Variants in IL1RAPL1 observed in about 807,000 individuals in gnomAD.
The protein encoded by IL1RAPL1 is interleukin-1 receptor accessory protein-like 1.
In IL1RAPL1, 3 loss-of-function variants were observed where a neutral mutation model predicts 48.4. That is an observed-to-expected ratio of 0.06 (90% CI 0.03 to 0.16). The LOEUF is 0.16. IL1RAPL1 is among the 10% of genes least tolerant of loss of function. The pLI, the probability that IL1RAPL1 is intolerant of heterozygous loss-of-function variation, is 1.00. For missense variants in IL1RAPL1, 349 were observed against 530.6 expected (o/e 0.66, Z 3.36); for synonymous variants, 185 against 187.7 (o/e 0.99, Z 0.12).
intron 2 of IL1RAPL1, among the ~76,000 whole-genome samples, chrX:28,884,386 T>C (rs946791964): frequency 2.7e-5 from 3 of 111,364 alleles, no homozygotes; most frequent in African/African-American, 9.8e-5. Flanking sequence ...GTATAGAACT[T>C]TGGAAACTTT....
chrX:29,682,191 A>G (rs1319801343), intron 6 of IL1RAPL1, among the ~76,000 whole-genome samples: 3 of 111,732 alleles, frequency 2.7e-5, no homozygotes, highest in East Asian at 2.8e-4. Context: ...TGAGTAAACT[A>G]TATCGTGTTC....
rs1414219384 is a variant in IL1RAPL1, at chrX:29,695,108, TCTAA to T, written c.778+26608_778+26611del. Among the ~76,000 whole-genome samples, 5 of 112,029 alleles carry T rather than the reference TCTAA, an allele frequency of 4.5e-5. No homozygotes were observed. In the Admixed American group the frequency reaches 4.7e-4, roughly 11 times the overall value. ...GAATTAATGAAATTTCACCTTTAGG[TCTAA>T]CTATGACAGTATCTAACATTTACTG... On this transcript the variant is annotated intron_variant, in intron 6 of 10. Transcript: ENST00000378993.
chrX:29,473,106 G>A (rs1488545988), intron 5 of IL1RAPL1, among the ~76,000 whole-genome samples: 1 of 111,375 alleles, frequency 9.0e-6, no homozygotes, highest in African/African-American at 3.3e-5. Flanking sequence ...CTTTTTGAGG[G>A]CCATGAGGGA....
At chrX:29,539,319 A>G (rs1921353940) in intron 5 of IL1RAPL1, among the ~76,000 whole-genome samples, 1 of 112,026 alleles carries the variant, frequency 8.9e-6, no homozygotes, top group Non-Finnish European at 1.9e-5. Context: ...CCATGTGATC[A>G]TCTCAATAGA....
chrX:29,146,282 T>C (rs1343676094), intron 2 of IL1RAPL1, among the ~76,000 whole-genome samples: 1 of 111,430 alleles, frequency 9.0e-6, no homozygotes, highest in Non-Finnish European at 1.9e-5. Context: ...TTCCTCTAGC[T>C]GAACTGCTCT....
rs187437907 is a variant in IL1RAPL1 at position 29,802,809 on chromosome X, A to G, written c.779-114655A>G. ...TGTGTGTGTATATATATATATATAT[A>G]TGTGTGTATATATATGTATACATAT... On this transcript the variant is annotated intron_variant, in intron 6 of 10. Coordinates refer to ENST00000378993, the MANE Select transcript of IL1RAPL1 (RefSeq NM_014271.4). Among the ~76,000 whole-genome samples the G allele has an allele frequency of 6.6e-3, 309 of 46,755 alleles. 4 individuals are homozygous for G. Among genetic ancestry groups the G allele is most frequent in the African/African-American group, 0.03 (241 of 8,025 alleles). The allele number at this position is 46,755 out of a possible 115,157, so 40.6% of individuals were successfully genotyped here. A position where few individuals can be genotyped will look rare whatever the true frequency, so the allele number is the denominator to read the frequency against.
chrX:29,081,017 TCTC>T (rs757990166), intron 2 of IL1RAPL1, among the ~76,000 whole-genome samples: 26 of 66,931 alleles, frequency 3.9e-4, no homozygotes, highest in East Asian at 1.0e-3. Flanking sequence ...TCTCTCTCTC[TCTC>T]TTTCTTTTCT....
chrX:29,912,203 G>A (rs747718605), intron 6 of IL1RAPL1, among the ~76,000 whole-genome samples: 55 of 111,917 alleles, frequency 4.9e-4, no homozygotes, highest in African/African-American at 1.7e-3. Context: ...ATACCTGAAT[G>A]AGGAGGCTCT....
chrX:29,076,802 G>GTCTGTCTGTCTGTCTATCTA (rs568595100), intron 2 of IL1RAPL1, among the ~76,000 whole-genome samples: 68 of 97,269 alleles, frequency 7.0e-4, no homozygotes, highest in African/African-American at 2.4e-3. Context: ...CTGTCTGTCT[G>GTCTGTCTGTCTGTCTATCTA]TCTATCTATC....
At chrX:28,876,547 G>C (rs780206184) in intron 2 of IL1RAPL1, among the ~76,000 whole-genome samples, 2 of 111,449 alleles carry the variant, frequency 1.8e-5, no homozygotes, top group African/African-American at 3.3e-5. Context: ...TAACCCTAGA[G>C]CTGCTGATTC....
At chrX:29,122,296 T>G (rs1486903023) in intron 2 of IL1RAPL1, among the ~76,000 whole-genome samples, 10 of 110,773 alleles carry the variant, frequency 9.0e-5, no homozygotes, top group African/African-American at 3.3e-4. Context: ...ATAGATTAGA[T>G]GAAATATTAT....
chrX:29,691,843 A>G (rs767079947), intron 6 of IL1RAPL1, among the ~76,000 whole-genome samples: 1 of 110,525 alleles, frequency 9.0e-6, no homozygotes, highest in Non-Finnish European at 1.9e-5. Flanking sequence ...ATGATTGTTA[A>G]TGATCGTGTC....
chrX:29,444,340 T>TA lies in IL1RAPL1; in HGVS notation c.703+45049dup, dbSNP rs1285478144. 4.8e-3 allele frequency among the ~76,000 whole-genome samples: 322 copies of TA among 67,163 alleles called. 1 individual carries two copies. The highest frequency in any genetic ancestry group is 6.0e-3 in the Non-Finnish European group (209 of 34,666). The allele number at this position is 67,163 out of a possible 115,157, so 58.3% of individuals were successfully genotyped here. On this transcript the variant is annotated intron_variant, in intron 5 of 10. Coordinates refer to ENST00000378993, the MANE Select transcript of IL1RAPL1 (RefSeq NM_014271.4). ...CTGGGCGACAGAGTAAGACTCTGTC[T>TA]AAAAAAAAAAAAAAAAAGAAAAGAA...
intron 6 of IL1RAPL1, among the ~76,000 whole-genome samples, chrX:29,900,419 T>G (rs1932473457): frequency 8.9e-6 from 1 of 112,372 alleles, no homozygotes; most frequent in Admixed American, 9.5e-5. Flanking sequence ...GATAACTCAT[T>G]AAAGTGTACA....
chrX:29,754,291 A>G (rs1265735498), intron 6 of IL1RAPL1, among the ~76,000 whole-genome samples: 1 of 111,735 alleles, frequency 8.9e-6, no homozygotes, highest in African/African-American at 3.3e-5. Flanking sequence ...TTCATAATAT[A>G]TGGCTCCAAA....
chrX:29,062,880 G>A (rs1256045598), intron 2 of IL1RAPL1, among the ~76,000 whole-genome samples: 1 of 111,216 alleles, frequency 9.0e-6, no homozygotes, highest in Non-Finnish European at 1.9e-5. Context: ...GGTTTTCATG[G>A]AAAAAATTGC....
In IL1RAPL1 at chrX:29,256,870, C is replaced by T. The variant is rs191066214; in HGVS notation, c.83-26068C>T. Among the ~76,000 whole-genome samples the T allele has an allele frequency of 7.2e-5, 8 of 111,184 alleles. No homozygotes were observed. The East Asian group carries it at 2.3e-3, about 31-fold the overall frequency. On this transcript the variant is annotated intron_variant, in intron 2 of 10. Transcript: ENST00000378993. The stretch of plus-strand genomic sequence containing the variant: ...GGGTACTTTTAAAATGTGCATTTTG[C>T]ATTGAGGAGACCTTAGGCTGAGTGA...
chrX:28,601,947 A>G (rs1292817914), intron 1 of IL1RAPL1, among the ~76,000 whole-genome samples: 1 of 109,860 alleles, frequency 9.1e-6, no homozygotes, highest in African/African-American at 3.3e-5. Context: ...TCTACTAAAA[A>G]TATAAAAATT....
chrX:29,724,149 T>G (rs946786236), intron 6 of IL1RAPL1, among the ~76,000 whole-genome samples: 2 of 111,383 alleles, frequency 1.8e-5, no homozygotes, highest in African/African-American at 6.5e-5. Context: ...ATGAAGATAT[T>G]GTTATGCTTG....
Sources: gnomAD v4.1 joint callset for allele counts (sites outside exome capture counted in the v4.1 genomes callset) on GRCh38, gnomAD v4.1.1 for gene constraint, MANE v1.5 for transcripts, NCBI Gene and HGNC (gene_info 2026-07-23, HGNC 2026-07-21) for gene names.